The following TXNDC16 variants were observed in gnomAD, a reference collection of about 807,000 sequenced individuals.
TXNDC16 encodes the protein thioredoxin domain-containing protein 16.
In TXNDC16, 74 loss-of-function variants were observed where a neutral mutation model predicts 85.6. The observed-to-expected ratio is 0.86, with a 90% CI of 0.72 to 1.05. The LOEUF is 1.05. TXNDC16 is among the 50% of genes least tolerant of loss of function. The pLI, the probability that TXNDC16 is intolerant of heterozygous loss-of-function variation, is 0.00. For missense variants in TXNDC16, 959 were observed against 947.0 expected, an observed-to-expected ratio of 1.01 and a Z score of -0.17; for synonymous variants, 335 against 326.5, an observed-to-expected ratio of 1.03 and a Z score of -0.28.
chr14:52,499,622 A>AG (rs2036611001), intron 9 of TXNDC16, among the ~76,000 whole-genome samples: 1 of 151,240 alleles, frequency 6.6e-6, no homozygotes, highest in African/African-American at 2.4e-5. Flanking sequence ...AAAAAAAAAA[A>AG]GAAAAGAAAG....
At position 52,455,406 on chromosome 14, in the gene TXNDC16, C is replaced by A; in HGVS notation, c.1760G>T (p.Gly587Val). 6.2e-7 allele frequency: 1 copy of A among 1,613,968 alleles called. No individual in the cohort carries two copies. Among genetic ancestry groups the A allele is most frequent in the Non-Finnish European group, 8.5e-7 (1 of 1,179,938 alleles). ...AGCTAGTGGGATGCTCTCTATTTTG[C>A]CTTCTGTGTGTCTGGCAAGCAGCAG... ...PALLLARHTE[G>V]KIESIPLAST... Residue 587 changes from glycine (G) to valine (V), a missense_variant, in exon 18 of 21, where the codon GGC (glycine) becomes GTC (valine). By Grantham distance (109) the Gly-to-Val change is moderately radical (BLOSUM62 -3). Coordinates refer to ENST00000281741, the MANE Select transcript of TXNDC16 (RefSeq NM_020784.3).
intron 1 of TXNDC16, among the ~76,000 whole-genome samples, chr14:52,544,903 C>G (rs1160564847): frequency 6.6e-6 from 1 of 152,016 alleles, no homozygotes; most frequent in Non-Finnish European, 1.5e-5. Flanking sequence ...TAAGGGGTAT[C>G]ATTGACATTA....
chr14:52,447,717 G>A (rs768675723), intron 18 of TXNDC16, among the ~76,000 whole-genome samples: 1 of 152,100 alleles, frequency 6.6e-6, no homozygotes, highest in Non-Finnish European at 1.5e-5. Flanking sequence ...ACCAATCCTG[G>A]AGAAACAGAG....
chr14:52,458,322 GC>G (rs1348105191), intron 16 of TXNDC16, among the ~76,000 whole-genome samples: 1 of 152,134 alleles, frequency 6.6e-6, no homozygotes, highest in Non-Finnish European at 1.5e-5. Context: ...ACTTTGGGAG[GC>G]GAGGTGGGTG....
intron 9 of TXNDC16, among the ~76,000 whole-genome samples, chr14:52,501,147 A>G (rs933889801): frequency 3.3e-5 from 5 of 152,082 alleles, no homozygotes; most frequent in Non-Finnish European, 5.9e-5. Context: ...AAAATTCTAT[A>G]CTCAAGATTT....
intron 9 of TXNDC16, among the ~76,000 whole-genome samples, chr14:52,510,157 C>T (rs1046198116): frequency 4.6e-5 from 7 of 151,846 alleles, no homozygotes; most frequent in Admixed American, 2.0e-4. Flanking sequence ...AAGAACAAAA[C>T]GAACACAAAT....
chr14:52,439,281 G>T lies in TXNDC16; in HGVS notation c.2117C>A (p.Pro706His), dbSNP rs1457703629. 1 of 1,614,080 alleles carries T rather than the reference G, an allele frequency of 6.2e-7. No homozygotes were observed. The highest frequency in any genetic ancestry group is 1.1e-5 in the South Asian group (1 of 91,080). The change falls in exon 20 of 21, where the codon CCT becomes CAT. Residue 706 changes from proline to histidine, a missense_variant. Coordinates refer to ENST00000281741, the MANE Select transcript of TXNDC16 (RefSeq NM_020784.3). ...TTCTTCAATTATAGCCTGGTCTGAA[G>T]GAAATGCAAATACTTGGCCACCTGA... ...LHSGGQVFAF[P>H]SDQAIIEENL...
intron 10 of TXNDC16, 78 bp from the exon 11 acceptor site, chr14:52,490,529 G>T: frequency 9.2e-7 from 1 of 1,090,904 alleles, no homozygotes; most frequent in South Asian, 1.6e-5. Flanking sequence ...ATAGAAAATA[G>T]AACTACATTC....
At chr14:52,467,833 G>A (rs1327114699) in intron 16 of TXNDC16, among the ~76,000 whole-genome samples, 1 of 151,976 alleles carries the variant, frequency 6.6e-6, no homozygotes, top group Non-Finnish European at 1.5e-5. Context: ...ACAGCCAAGA[G>A]GTAGAAGTAA....
intron 8 of TXNDC16, among the ~76,000 whole-genome samples, chr14:52,513,776 T>C (rs926602249): frequency 6.6e-6 from 1 of 151,876 alleles, no homozygotes; most frequent in African/African-American, 2.4e-5. Flanking sequence ...AATAACCACC[T>C]CTTTATGTTT....
In TXNDC16 at chr14:52,450,300, G is replaced by A. The variant is rs139172558; in HGVS notation, c.1842+5024C>T. On this transcript the variant is annotated intron_variant, in intron 18 of 20. Transcript: ENST00000281741. Reference sequence around the variant, plus strand: ...AAAAGGTCATTAGTAGCTACTATGAGCAACTATATGCCAATAAATTGGAAA... The same window carrying A: ...AAAAGGTCATTAGTAGCTACTATGAACAACTATATGCCAATAAATTGGAAA... 2.7e-3 allele frequency among the ~76,000 whole-genome samples: 416 copies of A among 152,002 alleles called. 3 individuals are homozygous for A. The highest frequency in any genetic ancestry group is 4.8e-3 in the Admixed American group (74 of 15,268).
intron 6 of TXNDC16, among the ~76,000 whole-genome samples, chr14:52,522,406 A>T (rs1046431969): frequency 6.6e-6 from 1 of 152,312 alleles, no homozygotes; most frequent in Non-Finnish European, 1.5e-5. Flanking sequence ...GCAGAGCCCA[A>T]GTGAAAGCTG....
chr14:52,458,946 A>G (rs937144456), intron 16 of TXNDC16, among the ~76,000 whole-genome samples: 2 of 152,146 alleles, frequency 1.3e-5, no homozygotes, highest in Non-Finnish European at 2.9e-5. Flanking sequence ...ATGCATATCC[A>G]TTTCCACTAA....
chr14:52,476,688 G>A (rs565233830), intron 14 of TXNDC16, among the ~76,000 whole-genome samples: 1 of 152,146 alleles, frequency 6.6e-6, no homozygotes, highest in Non-Finnish European at 1.5e-5. Context: ...TTGGGATTAT[G>A]TTAAACAACC....
chr14:52,455,056 G>A (rs1566536213), intron 18 of TXNDC16, among the ~76,000 whole-genome samples: 1 of 152,178 alleles, frequency 6.6e-6, no homozygotes, highest in Admixed American at 6.6e-5. Flanking sequence ...GAATGGACAT[G>A]CTTTATAACA....
At chr14:52,475,978 A>C (rs1273302571) in intron 14 of TXNDC16, among the ~76,000 whole-genome samples, 3 of 152,126 alleles carry the variant, frequency 2.0e-5, no homozygotes, top group African/African-American at 7.2e-5. Flanking sequence ...TGGCTGAGAG[A>C]CCCACAGATG....
At chr14:52,482,525 C>G (rs1205023918) in intron 13 of TXNDC16, among the ~76,000 whole-genome samples, 1 of 151,958 alleles carries the variant, frequency 6.6e-6, no homozygotes, top group South Asian at 2.1e-4. Flanking sequence ...AAGATAAAAG[C>G]AATATACTTA....
At chr14:52,460,291 GAA>G (rs2035623305) in intron 16 of TXNDC16, among the ~76,000 whole-genome samples, 1 of 151,986 alleles carries the variant, frequency 6.6e-6, no homozygotes, top group South Asian at 2.1e-4. Flanking sequence ...CAAACAAATA[GAA>G]AAACATCCCA....
chr14:52,479,253 C>T (rs1485911991), intron 14 of TXNDC16, among the ~76,000 whole-genome samples: 3 of 152,028 alleles, frequency 2.0e-5, no homozygotes, highest in Admixed American at 6.5e-5. Flanking sequence ...AGAACTGGAA[C>T]GAGACAAGGA....
Sources: allele counts gnomAD v4.1 joint callset (sites outside exome capture counted in the v4.1 genomes callset), GRCh38; gene constraint gnomAD v4.1.1; transcripts MANE v1.5; gene names NCBI Gene and HGNC (gene_info 2026-07-23, HGNC 2026-07-21).